Variants in FGFR2 observed in about 807,000 individuals in gnomAD.
FGFR2 encodes BEK fibroblast growth factor receptor.
FGFR2 carries 19 observed loss-of-function variants against 95.9 expected under a neutral mutation model. That is an observed-to-expected ratio of 0.20 (90% CI 0.14 to 0.29). The LOEUF (loss-of-function observed/expected upper bound fraction) is 0.29, where lower values mean the gene tolerates loss of function less well. FGFR2 is among the 10% of genes least tolerant of loss of function. FGFR2 has a pLI of 1.00. For missense variants in FGFR2, 707 were observed against 1,056.9 expected (o/e 0.67, Z 4.59); for synonymous variants, 392 against 393.3 (o/e 1.00, Z 0.04).
rs1856241080 is a variant in FGFR2, at chr10:121,556,882, C to T, written c.455-5423G>A. Among the ~76,000 whole-genome samples, 4 of 152,322 alleles carry T rather than the reference C, an allele frequency of 2.6e-5. No homozygotes were observed. The South Asian group carries it at 8.3e-4, about 32-fold the overall frequency. ...CTTTTAAAAATATCACTAATCAGGA[C>T]ATTTGAATGCTTTGACTCCTGACAG... On this transcript the variant is annotated intron_variant, in intron 4 of 17. Coordinates refer to ENST00000358487, the MANE Select transcript of FGFR2 (RefSeq NM_000141.5).
intron 9 of FGFR2, among the ~76,000 whole-genome samples, chr10:121,504,336 C>T (rs2912757): frequency 0.84 from 127,046 of 152,132 alleles, 56,055 homozygotes; most frequent in East Asian, 0.98. Context: ...CCTCTCAGAC[C>T]ACCCGGATCA....
chr10:121,522,352 T>C (rs899986248), intron 6 of FGFR2, among the ~76,000 whole-genome samples: 2 of 151,952 alleles, frequency 1.3e-5, no homozygotes, highest in African/African-American at 4.8e-5. Context: ...AGGCCAGGAG[T>C]GTGGGACCAG....
In FGFR2 at chr10:121,494,308, T is replaced by C. The variant is rs141916322; in HGVS notation, c.1863+2224A>G. The stretch of plus-strand genomic sequence containing the variant: ...TTTCTCTTACTGTCACCCATGGTTC[T>C]TGCCCCAGGAGGTCAAGGACTATGT... On this transcript the variant is annotated intron_variant, in intron 13 of 17. Transcript: ENST00000358487. Among the ~76,000 whole-genome samples the C allele has an allele frequency of 1.6e-3, 247 of 152,316 alleles. 1 individual carries two copies. The highest frequency in any genetic ancestry group is 5.2e-3 in the African/African-American group (217 of 41,578).
At chr10:121,563,413 G>C (rs1270194638) in intron 4 of FGFR2, among the ~76,000 whole-genome samples, 1 of 151,950 alleles carries the variant, frequency 6.6e-6, no homozygotes, top group Non-Finnish European at 1.5e-5. Context: ...AGCCGGGTGT[G>C]GTATATTACT....
At chr10:121,534,071 G>C (rs951921506) in intron 6 of FGFR2, among the ~76,000 whole-genome samples, 1 of 147,728 alleles carries the variant, frequency 6.8e-6, no homozygotes, top group Admixed American at 6.7e-5. Flanking sequence ...CTCTGGCCAC[G>C]TCTGTAGGTC....
intron 2 of FGFR2, among the ~76,000 whole-genome samples, chr10:121,584,028 T>TCGC (rs1256463812): frequency 6.6e-6 from 1 of 151,958 alleles, no homozygotes; most frequent in African/African-American, 2.4e-5. Context: ...GTTATCATCA[T>TCGC]CACCATCATC....
At chr10:121,509,640 C>T (rs1462005706) in intron 9 of FGFR2, among the ~76,000 whole-genome samples, 1 of 151,660 alleles carries the variant, frequency 6.6e-6, no homozygotes, top group Non-Finnish European at 1.5e-5. Flanking sequence ...TGTACCACCA[C>T]GCCCAGCTAA....
In FGFR2 at chr10:121,485,714, G is replaced by A. The variant is rs772443049; in HGVS notation, c.2058-182C>T. Among the ~76,000 whole-genome samples the A allele has an allele frequency of 4.6e-5, 7 of 152,130 alleles. No individual in the cohort carries two copies. The highest frequency in any genetic ancestry group is 1.0e-4 in the Non-Finnish European group (7 of 68,026). ...GAGCATCCCCGAATGATGATGACAC[G>A]GGGATGTGCTGATGGAATTTTCCAT... On this transcript the variant is annotated intron_variant, in intron 15 of 17. Coordinates refer to ENST00000358487, the MANE Select transcript of FGFR2 (RefSeq NM_000141.5). The surrounding 1 kb of genome is among the most constrained non-coding windows in gnomAD (Gnocchi z 4.2).
At chr10:121,506,232 C>T (rs1848249773) in intron 9 of FGFR2, among the ~76,000 whole-genome samples, 1 of 151,826 alleles carries the variant, frequency 6.6e-6, no homozygotes, top group Non-Finnish European at 1.5e-5. Context: ...GTGGTAGGCG[C>T]CTGTAATCCC....
chr10:121,496,418 G>T, intron 13 of FGFR2, 114 bp downstream of exon 13: 3 of 1,027,142 alleles, frequency 2.9e-6, no homozygotes, highest in Non-Finnish European at 4.6e-6. Context: ...TTTCCAGGTT[G>T]TACAAGACAT....
At chr10:121,590,469 T>G (rs1862470482) in intron 2 of FGFR2, among the ~76,000 whole-genome samples, 1 of 152,218 alleles carries the variant, frequency 6.6e-6, no homozygotes. Context: ...TTCACTCCTC[T>G]GCTGGTGCCC....
At chr10:121,496,778 C>A (rs2133947462) in intron 12 of FGFR2, 56 bp from the exon 13 acceptor site, 1 of 1,456,332 alleles carries the variant, frequency 6.9e-7, no homozygotes, top group African/African-American at 1.4e-5. Flanking sequence ...TCCCCTTGGG[C>A]AATTCAGCAA....
In FGFR2 at chr10:121,531,879, G is replaced by A. The variant is rs1221765671; in HGVS notation, c.748+6713C>T. ...AGGATGAGATGGCTGCTGGGGACAC[G>A]AAAGCGGCAAAAGGAAGGTGCTTCC... On this transcript the variant is annotated intron_variant, in intron 6 of 17. Coordinates refer to ENST00000358487, the MANE Select transcript of FGFR2 (RefSeq NM_000141.5). This position sits in a 1 kb window ranked among gnomAD's most constrained non-coding sequence, Gnocchi z 4.5. Among the ~76,000 whole-genome samples the A allele has an allele frequency of 1.3e-5, 2 of 152,150 alleles. No individual in the cohort carries two copies. Among genetic ancestry groups the A allele is most frequent in the African/African-American group, 4.8e-5 (2 of 41,440 alleles).
rs145811205 is a variant in FGFR2 at position 121,562,121 on chromosome 10, T to G, written c.454+2381A>C. ...GCAGCCACTTTGCAAGGCAGCTAGG[T>G]GGTTTCCTACAAATCTAAACATACT... On this transcript the variant is annotated intron_variant, in intron 4 of 17. Transcript: ENST00000358487. Among the ~76,000 whole-genome samples the G allele has an allele frequency of 1.4e-4, 22 of 152,296 alleles. No individual in the cohort carries two copies. The East Asian group carries it at 4.2e-3, about 29-fold the overall frequency.
chr10:121,486,561 C>T (rs1212879534), intron 15 of FGFR2, among the ~76,000 whole-genome samples: 1 of 152,216 alleles, frequency 6.6e-6, no homozygotes, highest in East Asian at 1.9e-4. Flanking sequence ...CCTGCCTCAG[C>T]CTCCCAAGTA....
chr10:121,481,502 C>T (rs529680221), intron 17 of FGFR2, among the ~76,000 whole-genome samples: 106 of 152,222 alleles, frequency 7.0e-4, no homozygotes, highest in African/African-American at 2.2e-3. Context: ...GTATCAGTTC[C>T]AACAACATCA....
chr10:121,565,903 C>T lies in FGFR2; in HGVS notation c.110-199G>A, dbSNP rs1457210988. Reference sequence around the variant, plus strand: ...TGGAAGAGCAACCAGAGGATACCCCCAGAAAATCTGTCCTGACTTAGTTTC... The same window carrying T: ...TGGAAGAGCAACCAGAGGATACCCCTAGAAAATCTGTCCTGACTTAGTTTC... On this transcript the variant is annotated intron_variant, in intron 2 of 17. Coordinates refer to ENST00000358487, the MANE Select transcript of FGFR2 (RefSeq NM_000141.5). The T allele has an allele frequency of 6.3e-6, 4 of 635,208 alleles. No homozygotes were observed. In the East Asian group the frequency reaches 1.1e-4, roughly 17 times the overall value. The allele number at this position is 635,208 out of a possible 1,614,324, so 39.3% of individuals were successfully genotyped here. A position where few individuals can be genotyped will look rare whatever the true frequency, so the allele number is the denominator to read the frequency against.
intron 5 of FGFR2, among the ~76,000 whole-genome samples, chr10:121,540,000 C>G (rs148647955): frequency 6.6e-6 from 1 of 152,306 alleles, no homozygotes; most frequent in African/African-American, 2.4e-5. Flanking sequence ...CCACTCAGTT[C>G]TATGCAAGCC....
In FGFR2 at chr10:121,584,188, T is replaced by C. The variant is rs142296173; in HGVS notation, c.109+9521A>G. Among the ~76,000 whole-genome samples the C allele has an allele frequency of 1.0e-3, 153 of 152,020 alleles. 2 individuals carry two copies. The highest frequency in any genetic ancestry group is 4.8e-3 in the East Asian group (25 of 5,170). ...GTCCACTTCAGTACTGTGGGTCCCA[T>C]CACAATTTCCTTGAGCTCCCTTCCA... On this transcript the variant is annotated intron_variant, in intron 2 of 17. Coordinates refer to ENST00000358487, the MANE Select transcript of FGFR2 (RefSeq NM_000141.5).
Sources: allele counts gnomAD v4.1 joint callset (sites outside exome capture counted in the v4.1 genomes callset), GRCh38; gene constraint gnomAD v4.1.1; non-coding constraint Gnocchi (gnomAD v3.1); transcripts MANE v1.5; gene names NCBI Gene and HGNC (gene_info 2026-07-23, HGNC 2026-07-21).